Variants in CSMD3 observed in about 807,000 individuals in gnomAD.
CSMD3 encodes CUB and sushi domain-containing protein 3.
A neutral mutation model predicts 435.2 loss-of-function variants in CSMD3; 177 were observed. The ratio of observed to expected loss-of-function variants is 0.41; its 90% CI spans 0.36 to 0.46. CSMD3 has a LOEUF of 0.46. CSMD3 is among the 20% of genes least tolerant of loss of function. CSMD3 has a pLI of 0.34. For synonymous variants in CSMD3, 1,656 were observed against 1,520.5 expected, an observed-to-expected ratio of 1.09 and a Z score of -2.07; for missense variants, 4,265 against 4,504.6, an observed-to-expected ratio of 0.95 and a Z score of 1.52.
At chr8:112,336,386 C>A (rs927721192) in intron 44 of CSMD3, among the ~76,000 whole-genome samples, 1 of 152,092 alleles carries the variant, frequency 6.6e-6, no homozygotes, top group East Asian at 1.9e-4. Context: ...TGTTTTAGCA[C>A]ATTAATTTAA....
chr8:113,215,569 A>C (rs2092894409), intron 3 of CSMD3, among the ~76,000 whole-genome samples: 1 of 151,918 alleles, frequency 6.6e-6, no homozygotes, highest in African/African-American at 2.4e-5. Flanking sequence ...ACTTTGGATC[A>C]TTAACTTGTG....
intron 1 of CSMD3, among the ~76,000 whole-genome samples, chr8:113,383,281 G>A (rs2094425073): frequency 6.6e-6 from 1 of 152,108 alleles, no homozygotes; most frequent in South Asian, 2.1e-4. Flanking sequence ...AGAGGATTAA[G>A]CAAGGTAGTT....
chr8:113,097,859 C>G (rs2090211889), intron 5 of CSMD3, among the ~76,000 whole-genome samples: 1 of 151,870 alleles, frequency 6.6e-6, no homozygotes, highest in African/African-American at 2.4e-5. Flanking sequence ...TCTTTATCAC[C>G]CCCCAGTCCA....
chr8:112,231,445 T>C (rs2129886505), intron 69 of CSMD3, 100 bp downstream of exon 69: 3 of 801,752 alleles, frequency 3.7e-6, no homozygotes, highest in Admixed American at 1.8e-5. Context: ...ACAGAATTTA[T>C]AATGCAGTAA....
chr8:112,234,574 G>A (rs1349276714), intron 67 of CSMD3, 97 bp from the exon 68 acceptor site: 1 of 772,124 alleles, frequency 1.3e-6, no homozygotes, highest in South Asian at 1.5e-5. Context: ...TGTAAGATAT[G>A]TAATTAAAAA....
chr8:112,910,664 A>T (rs2082385616), intron 10 of CSMD3, among the ~76,000 whole-genome samples: 1 of 151,566 alleles, frequency 6.6e-6, no homozygotes, highest in African/African-American at 2.4e-5. Flanking sequence ...TGTCCTCATT[A>T]CTTCAGTCTC....
intron 30 of CSMD3, 98 bp from the exon 31 acceptor site, chr8:112,492,781 T>C (rs1265865564): frequency 2.1e-6 from 2 of 966,148 alleles, no homozygotes; most frequent in Non-Finnish European, 3.3e-6. Flanking sequence ...CAACTGCAGA[T>C]TGAAAATATT....
At chr8:112,234,604 A>C in intron 67 of CSMD3, 127 bp from the exon 68 acceptor site, 1 of 677,636 alleles carries the variant, frequency 1.5e-6, no homozygotes, top group South Asian at 1.7e-5. Flanking sequence ...AACAAGGGCA[A>C]GTCAAGGATG....
At chr8:112,822,114 G>A (rs951001291) in intron 12 of CSMD3, among the ~76,000 whole-genome samples, 1 of 152,076 alleles carries the variant, frequency 6.6e-6, no homozygotes, top group Non-Finnish European at 1.5e-5. Flanking sequence ...TTTTGCTTAG[G>A]ATTGTCTTGG....
intron 1 of CSMD3, among the ~76,000 whole-genome samples, chr8:113,338,134 T>C (rs532593693): frequency 6.6e-6 from 1 of 151,954 alleles, no homozygotes; most frequent in South Asian, 2.1e-4. Flanking sequence ...ATTTTAGTAG[T>C]CACCCTGGTA....
chr8:113,100,295 A>T (rs1198689760), intron 4 of CSMD3, among the ~76,000 whole-genome samples: 2 of 152,100 alleles, frequency 1.3e-5, no homozygotes, highest in African/African-American at 2.4e-5. Context: ...GAAATGAACT[A>T]GTTGTCTTGT....
At chr8:113,372,896 T>C (rs1410942246) in intron 1 of CSMD3, among the ~76,000 whole-genome samples, 5 of 145,748 alleles carry the variant, frequency 3.4e-5, no homozygotes, top group African/African-American at 1.3e-4. Context: ...ATTGCGCCAC[T>C]GCAGTCCGCA....
At chr8:113,264,651 AAAAT>A (rs963484162) in intron 3 of CSMD3, among the ~76,000 whole-genome samples, 3 of 151,624 alleles carry the variant, frequency 2.0e-5, no homozygotes, top group African/African-American at 7.2e-5. Context: ...TTAACCTAAG[AAAAT>A]AAATATTTTT....
chr8:112,536,260 C>T (rs1245405735), intron 27 of CSMD3, among the ~76,000 whole-genome samples: 12 of 151,058 alleles, frequency 7.9e-5, no homozygotes, highest in East Asian at 7.8e-4. Context: ...AGAAAATTTT[C>T]GCAACCTACT....
intron 1 of CSMD3, among the ~76,000 whole-genome samples, chr8:113,430,672 A>G (rs2094666784): frequency 6.6e-6 from 1 of 152,228 alleles, no homozygotes; most frequent in South Asian, 2.1e-4. Flanking sequence ...TTGTTGGAGA[A>G]CACTTTGAAA....
chr8:112,983,005 T>G (rs532186128), intron 6 of CSMD3, among the ~76,000 whole-genome samples: 1 of 152,106 alleles, frequency 6.6e-6, no homozygotes, highest in African/African-American at 2.4e-5. Flanking sequence ...CAGAAATTAC[T>G]TATTCATTTA....
intron 10 of CSMD3, among the ~76,000 whole-genome samples, chr8:112,910,699 T>C (rs1370105505): frequency 1.3e-5 from 2 of 151,902 alleles, no homozygotes; most frequent in African/African-American, 4.8e-5. Context: ...CAATCTTTCC[T>C]CATTGCATGT....
chr8:113,227,435 C>G (rs950383367), intron 3 of CSMD3, among the ~76,000 whole-genome samples: 3 of 151,468 alleles, frequency 2.0e-5, no homozygotes, highest in African/African-American at 7.3e-5. Context: ...AACAAATTTA[C>G]TAATTAAAAA....
At chr8:112,699,292 T>G (rs529054317) in intron 13 of CSMD3, among the ~76,000 whole-genome samples, 1 of 151,978 alleles carries the variant, frequency 6.6e-6, no homozygotes, top group South Asian at 2.1e-4. Flanking sequence ...AGGAAGAAAC[T>G]CCGGACACGT....
Sources: gnomAD v4.1 joint callset for allele counts (sites outside exome capture counted in the v4.1 genomes callset) on GRCh38, gnomAD v4.1.1 for gene constraint, MANE v1.5 for transcripts, NCBI Gene and HGNC (gene_info 2026-07-23, HGNC 2026-07-21) for gene names.